The following ALKBH5 variants were observed in gnomAD, a reference collection of about 807,000 sequenced individuals.
ALKBH5 encodes RNA demethylase ALKBH5.
A neutral mutation model predicts 32.1 loss-of-function variants in ALKBH5; 2 were observed. The observed-to-expected ratio is 0.06, with a 90% CI of 0.03 to 0.20. The LOEUF (loss-of-function observed/expected upper bound fraction) is 0.20. Ranked by LOEUF, ALKBH5 falls within the 10% of genes least tolerant of loss-of-function variation. ALKBH5 has a pLI of 1.00. For synonymous variants in ALKBH5, 300 were observed against 231.7 expected (o/e 1.29, Z -2.68); for missense variants, 352 against 559.5 (o/e 0.63, Z 3.74).
In ALKBH5 at chr17:18,209,904, G is replaced by A. The variant is rs750988033; in HGVS notation, c.*1508G>A. On this transcript the variant is annotated 3_prime_UTR_variant, in exon 4 of 4. Transcript: ENST00000399138. Reference sequence around the variant, plus strand: ...TTTGTAGTTGTGTGTGCAGCACTTCGCCCTGATATGTGTGCTCTACAATAA... The same window carrying A: ...TTTGTAGTTGTGTGTGCAGCACTTCACCCTGATATGTGTGCTCTACAATAA... 9 of 152,550 alleles carry A rather than the reference G, an allele frequency of 5.9e-5. No homozygotes were observed. The highest frequency in any genetic ancestry group is 1.7e-4 in the African/African-American group (7 of 41,420). The allele number at this position is 152,550 out of a possible 1,614,324, so 9.4% of individuals were successfully genotyped here. A position where few individuals can be genotyped will look rare whatever the true frequency, so the allele number is the denominator to read the frequency against.
chr17:18,199,881 G>A lies in ALKBH5; in HGVS notation c.851+4846G>A, dbSNP rs1597840344. ...GCACTTCAGGAGGGCGAGGCAGTTG[G>A]ATCACCTGAGGTCAGGAGTTCAAGA... is the stretch of plus-strand genomic sequence containing the variant. On this transcript the variant is annotated intron_variant, in intron 2 of 3. Coordinates refer to ENST00000399138, the MANE Select transcript of ALKBH5 (RefSeq NM_017758.4). Among the ~76,000 whole-genome samples the A allele has an allele frequency of 2.6e-5, 4 of 152,170 alleles. No individual in the cohort carries two copies. In the South Asian group the frequency reaches 6.2e-4, roughly 24 times the overall value.
intron 1 of ALKBH5, among the ~76,000 whole-genome samples, chr17:18,193,306 G>C (rs2047188060): frequency 6.6e-6 from 1 of 152,028 alleles, no homozygotes; most frequent in African/African-American, 2.4e-5. Context: ...CCAGCACTTT[G>C]GGAGGCCGAG....
chr17:18,198,897 A>G (rs571686917), intron 2 of ALKBH5, among the ~76,000 whole-genome samples: 51 of 152,246 alleles, frequency 3.3e-4, no homozygotes, highest in African/African-American at 1.2e-3. Context: ...CCTTGGTGTT[A>G]TAATGTTTGG....
chr17:18,189,679 G>A (rs1215554722), intron 1 of ALKBH5, among the ~76,000 whole-genome samples: 1 of 152,188 alleles, frequency 6.6e-6, no homozygotes, highest in East Asian at 1.9e-4. Context: ...TTGACTTCGG[G>A]GAAATTAAGC....
chr17:18,200,126 T>TTA (rs1567676267), intron 2 of ALKBH5, among the ~76,000 whole-genome samples: 6 of 150,868 alleles, frequency 4.0e-5, no homozygotes, highest in Admixed American at 1.3e-4. Flanking sequence ...TTTTTTTTTT[T>TTA]AAATTACATC....
At chr17:18,185,241 C>G (rs1033985896) in intron 1 of ALKBH5, among the ~76,000 whole-genome samples, 4 of 152,100 alleles carry the variant, frequency 2.6e-5, no homozygotes, top group Non-Finnish European at 5.9e-5. Context: ...TTGACGGGAT[C>G]ACTGACTTGG....
At chr17:18,203,034 C>G (rs1026457922) in intron 2 of ALKBH5, among the ~76,000 whole-genome samples, 16 of 146,926 alleles carry the variant, frequency 1.1e-4, no homozygotes, top group African/African-American at 4.1e-4. Context: ...GATCGTGCCA[C>G]TGCACTCCAG....
At position 18,184,155 on chromosome 17, in the gene ALKBH5, C is replaced by A. The variant is rs1001630227; in HGVS notation, c.-89C>A. On this transcript the variant is annotated 5_prime_UTR_variant, in exon 1 of 4. Transcript: ENST00000399138. ...GGGTTCGGCGCTAAGGACCCCCCTC[C>A]CTCCGGGGGCCCCGGGGCGCGTCCC... 4 of 1,211,956 alleles carry A rather than the reference C, an allele frequency of 3.3e-6. No homozygotes were observed. The highest frequency in any genetic ancestry group is 1.1e-6 in the Non-Finnish European group (1 of 889,966). 75.1% of individuals were successfully genotyped at this position (1,211,956 alleles called of 1,614,324 possible).
chr17:18,190,509 A>G (rs575887044), intron 1 of ALKBH5, among the ~76,000 whole-genome samples: 2 of 149,854 alleles, frequency 1.3e-5, no homozygotes, highest in East Asian at 4.0e-4. Flanking sequence ...AGATTGCGCC[A>G]CTGCATTCCA....
chr17:18,183,928 T>C lies in ALKBH5; in HGVS notation c.-316T>C. On this transcript the variant is annotated 5_prime_UTR_variant, in exon 1 of 4. Coordinates refer to ENST00000399138, the MANE Select transcript of ALKBH5 (RefSeq NM_017758.4). ...GCGGGCCGGGCCGGGCGTCCGAGGG[T>C]CTGGTCGGGAGTCGGGCCGCGTCTC... 1.8e-6 allele frequency: 1 copy of C among 546,114 alleles called. No individual in the cohort carries two copies. Among genetic ancestry groups the C allele is most frequent in the Non-Finnish European group, 3.4e-6 (1 of 291,418 alleles). The allele number at this position is 546,114 out of a possible 1,614,324, so 33.8% of individuals were successfully genotyped here. A position where few individuals can be genotyped will look rare whatever the true frequency, so the allele number is the denominator to read the frequency against.
At chr17:18,194,879 C>T in intron 1 of ALKBH5, 76 bp from the exon 2 acceptor site, 1 of 1,304,066 alleles carries the variant, frequency 7.7e-7, no homozygotes, top group Non-Finnish European at 1.1e-6. Flanking sequence ...GGCCATGTTC[C>T]TGTCCTGTTA....
Position 18,208,740 on chromosome 17 carries a change from A to G in ALKBH5, c.*344A>G, listed in dbSNP as rs2047286529. 2.6e-6 allele frequency: 1 copy of G among 384,292 alleles called. No homozygotes were observed. 23.8% of individuals were successfully genotyped at this position (384,292 alleles called of 1,614,324 possible). A position where few individuals can be genotyped will look rare whatever the true frequency, so the allele number is the denominator to read the frequency against. On this transcript the variant is annotated 3_prime_UTR_variant, in exon 4 of 4. Coordinates refer to ENST00000399138, the MANE Select transcript of ALKBH5 (RefSeq NM_017758.4). ...GCTGGGTTTATTTAAAAGCAACAAAATGTTTTGGTTAAGAAAATTATTTTG... is the reference window on the plus strand; with the variant it reads ...GCTGGGTTTATTTAAAAGCAACAAAGTGTTTTGGTTAAGAAAATTATTTTG...
chr17:18,188,728 T>A (rs1024350856), intron 1 of ALKBH5, among the ~76,000 whole-genome samples: 1 of 152,004 alleles, frequency 6.6e-6, no homozygotes, highest in Non-Finnish European at 1.5e-5. Context: ...TGAACCATGG[T>A]GTTAATCATG....
At chr17:18,207,677 T>A (rs1017914884) in intron 3 of ALKBH5, among the ~76,000 whole-genome samples, 1 of 150,206 alleles carries the variant, frequency 6.7e-6, no homozygotes, top group African/African-American at 2.5e-5. Flanking sequence ...AAAAAAAAAA[T>A]ATTTTTTAAG....
chr17:18,184,379 G>T lies in ALKBH5; in HGVS notation c.136G>T (p.Ala46Ser). 6.6e-7 allele frequency: 1 copy of T among 1,518,520 alleles called. No homozygotes were observed. The highest frequency in any genetic ancestry group is 1.2e-5 in the South Asian group (1 of 80,714). 94.1% of individuals were successfully genotyped at this position (1,518,520 alleles called of 1,614,324 possible). A position where few individuals can be genotyped will look rare whatever the true frequency, so the allele number is the denominator to read the frequency against. ...AAVAAAAAAAAAAEPYPVSGA... is the reference protein window; with the variant it reads ...AAVAAAAAAASAAEPYPVSGA... ...CGTAGCCGCCGCAGCCGCAGCCGCC[G>T]CTGCCGCCGAACCTTACCCTGTGTC... Residue 46 changes from alanine (A) to serine (S), a missense_variant, in exon 1 of 4, where the codon GCT (alanine) becomes TCT (serine). Around this residue, in one of 4 missense-constraint regions of ALKBH5, gnomAD observed 144 missense variants for 125.8 expected, o/e 1.14. Transcript: ENST00000399138.
chr17:18,194,772 C>G (rs1487637467), intron 1 of ALKBH5, among the ~76,000 whole-genome samples, 183 bp from the exon 2 acceptor site: 4 of 152,170 alleles, frequency 2.6e-5, no homozygotes, highest in Non-Finnish European at 4.4e-5. Flanking sequence ...GTATTACAGT[C>G]TCTTGGCAAA....
intron 2 of ALKBH5, among the ~76,000 whole-genome samples, chr17:18,200,506 C>T (rs985973052): frequency 2.0e-5 from 3 of 152,162 alleles, no homozygotes; most frequent in Admixed American, 6.6e-5. Context: ...GAACTCAGCT[C>T]AGAGTGGTCT....
At chr17:18,193,555 AAAATT>A (rs2047189979) in intron 1 of ALKBH5, among the ~76,000 whole-genome samples, 2 of 152,176 alleles carry the variant, frequency 1.3e-5, no homozygotes, top group African/African-American at 2.4e-5. Context: ...AAAAAAAAAA[AAAATT>A]AAATAAAATA....
intron 2 of ALKBH5, among the ~76,000 whole-genome samples, chr17:18,199,391 A>G (rs888981349): frequency 6.6e-6 from 1 of 152,246 alleles, no homozygotes; most frequent in Non-Finnish European, 1.5e-5. Flanking sequence ...CTTCTGGGGT[A>G]TAATAATTCA....
Sources: allele counts gnomAD v4.1 joint callset (sites outside exome capture counted in the v4.1 genomes callset), GRCh38; gene constraint gnomAD v4.1.1; regional missense constraint gnomAD v4.1.1; transcripts MANE v1.5; gene names NCBI Gene and HGNC (gene_info 2026-07-23, HGNC 2026-07-21).